ZNF593: variants seen among roughly 807,000 people sequenced by gnomAD.
ZNF593 encodes the protein BUD20 homolog.
Under a neutral mutation model 12.9 loss-of-function variants are expected in ZNF593, and 18 were observed. The ratio of observed to expected loss-of-function variants is 1.40; its 90% CI spans 0.96 to 2.07. ZNF593 has a LOEUF of 2.07. Among genes scored for constraint, ZNF593 ranks in the 30% most tolerant of loss-of-function variants. The pLI is 0.00. For missense variants in ZNF593, 198 were observed against 186.7 expected (o/e 1.06, Z -0.35); for synonymous variants, 79 against 79.9 (o/e 0.99, Z 0.06).
Position 26,170,009 on chromosome 1 carries a change from C to G in ZNF593, c.26C>G (p.Ala9Gly), listed in dbSNP as rs1237419700. 6.4e-7 allele frequency: 1 copy of G among 1,557,282 alleles called. No individual in the cohort carries two copies. Among genetic ancestry groups the G allele is most frequent in the Non-Finnish European group, 8.7e-7 (1 of 1,154,872 alleles). Reference sequence around the variant, plus strand: ...ATGGGTCGCTCCCGCCGGACAGGCGCGCACCGAGCGCACTCTCTAGCCCGG... The same window carrying G: ...ATGGGTCGCTCCCGCCGGACAGGCGGGCACCGAGCGCACTCTCTAGCCCGG... Reference protein sequence around the residue: MGRSRRTGAHRAHSLARQM... With the variant: MGRSRRTGGHRAHSLARQM... The change falls in exon 1 of 3, where the codon GCG (alanine) becomes GGG (glycine). Residue 9 changes from alanine to glycine, a missense_variant. Coordinates refer to ENST00000374266, the MANE Select transcript of ZNF593 (RefSeq NM_015871.5).
In ZNF593 at chr1:26,170,469, C is replaced by T. The variant is rs150295489; in HGVS notation, c.252C>T (p.Asp84=). 6.0e-4 allele frequency: 974 copies of T among 1,614,190 alleles called. 3 individuals carry two copies. The Middle Eastern group carries it at 8.9e-3, about 15-fold the overall frequency. ...TNLKTHFRSK[D]HKKRLKQLSV... ...TGAAGACCCACTTCCGATCCAAAGACCACAAGAAAAGGTATGAAGGAGTAA... is the reference window on the plus strand; with the variant it reads ...TGAAGACCCACTTCCGATCCAAAGATCACAAGAAAAGGTATGAAGGAGTAA... The change falls in exon 2 of 3, where the codon GAC becomes GAT. Residue 84 remains aspartate, a synonymous_variant. Coordinates refer to ENST00000374266, the MANE Select transcript of ZNF593 (RefSeq NM_015871.5).
In ZNF593 at chr1:26,170,495, G is replaced by A. The variant is rs770951595; in HGVS notation, c.263+15G>A. On this transcript the variant is annotated intron_variant, in intron 2 of 2. Coordinates refer to ENST00000374266, the MANE Select transcript of ZNF593 (RefSeq NM_015871.5). Reference sequence around the variant, plus strand: ...CACAAGAAAAGGTATGAAGGAGTAAGGAGAGGATTGATGGATGGGTGCTCA... The same window carrying A: ...CACAAGAAAAGGTATGAAGGAGTAAAGAGAGGATTGATGGATGGGTGCTCA... The A allele has an allele frequency of 4.3e-6, 7 of 1,614,220 alleles. No individual in the cohort carries two copies. The East Asian group carries it at 8.9e-5, about 21-fold the overall frequency.
At position 26,170,045 on chromosome 1, in the gene ZNF593, C is replaced by T. The variant is rs2088469752; in HGVS notation, c.62C>T (p.Ala21Val). ...RAHSLARQMK[A>V]KRRRPDLDEI... ...CACTCTCTAGCCCGGCAGATGAAGG[C>T]GAAGCGGCGGCGGCCGGACTTGGAT... Residue 21 changes from alanine (A) to valine (V), a missense_variant, in exon 1 of 3, where the codon GCG (alanine) becomes GTG (valine). Ala to Val is a moderately conservative substitution (Grantham distance 64, BLOSUM62 0). Transcript: ENST00000374266. 1 of 1,574,072 alleles carries T rather than the reference C, an allele frequency of 6.4e-7. No homozygotes were observed.
chr1:26,170,397 T>C, intron 1 of ZNF593, 21 bp from the exon 2 acceptor site: 1 of 1,610,552 alleles, frequency 6.2e-7, no homozygotes, highest in South Asian at 1.1e-5. Context: ...CTCACTCTCC[T>C]TCTCACTTCC....
rs958818950 is a variant in ZNF593 at position 26,169,938 on chromosome 1, C to G, written c.-46C>G. 1 of 1,503,852 alleles carries G rather than the reference C, an allele frequency of 6.6e-7. No homozygotes were observed. The highest frequency in any genetic ancestry group is 2.5e-5 in the East Asian group (1 of 40,504). 93.2% of individuals were successfully genotyped at this position (1,503,852 alleles called of 1,614,324 possible). A position where few individuals can be genotyped will look rare whatever the true frequency, so the allele number is the denominator to read the frequency against. Reference sequence around the variant, plus strand: ...GCCCGGAAGTGCTCACACGTGTGCTCCCTGCCCTGCTCCTGGCCCCTTGGC... The same window carrying G: ...GCCCGGAAGTGCTCACACGTGTGCTGCCTGCCCTGCTCCTGGCCCCTTGGC... On this transcript the variant is annotated 5_prime_UTR_variant, in exon 1 of 3. Transcript: ENST00000374266.
Position 26,170,068 on chromosome 1 carries a change from G to T in ZNF593, c.85G>T (p.Asp29Tyr). ...MKAKRRRPDL[D>Y]EIHRELRPQG... ...GGCGAAGCGGCGGCGGCCGGACTTG[G>T]ATGAGATTCACCGCGAGCTGCGGCC... Residue 29 changes from aspartate to tyrosine, a missense_variant, in exon 1 of 3, where the codon GAT (aspartate) becomes TAT (tyrosine). By Grantham distance (160) the Asp-to-Tyr change is radical. Coordinates refer to ENST00000374266, the MANE Select transcript of ZNF593 (RefSeq NM_015871.5). 6.4e-7 allele frequency: 1 copy of T among 1,574,436 alleles called. No homozygotes were observed.
chr1:26,170,649 C>A lies in ZNF593; in HGVS notation c.338C>A (p.Pro113His). The A allele has an allele frequency of 4.3e-6, 7 of 1,612,674 alleles. No homozygotes were observed. In the South Asian group the frequency reaches 7.7e-5, roughly 18 times the overall value. ...ERAAGMGSYV[P>H]PRRLAVPTEV... ...GCAGCGGGTATGGGATCCTATGTGC[C>A]CCCCAGGCGGCTGGCAGTGCCCACG... The change falls in exon 3 of 3, where the codon CCC (proline) becomes CAC (histidine). Residue 113 changes from proline to histidine, a missense_variant. By Grantham distance (77) the Pro-to-His change is moderately conservative. Coordinates refer to ENST00000374266, the MANE Select transcript of ZNF593 (RefSeq NM_015871.5).
intron 1 of ZNF593, 64 bp from the exon 2 acceptor site, chr1:26,170,354 G>C: frequency 6.4e-7 from 1 of 1,569,726 alleles, no homozygotes; most frequent in East Asian, 2.2e-5. Context: ...GCTAGGGCTA[G>C]GGAGATAGGT....
At position 26,170,192 on chromosome 1, in the gene ZNF593, C is replaced by T. The variant is rs778492829; in HGVS notation, c.200+9C>T. On this transcript the variant is annotated intron_variant, in intron 1 of 2. Transcript: ENST00000374266. ...CGCTGTCTGGCCTGCGCGTGAGTCC[C>T]GGACGAGCCCGGCCTGGGGCGGAGG... 6.4e-6 allele frequency: 10 copies of T among 1,572,578 alleles called. No individual in the cohort carries two copies. In the East Asian group the frequency reaches 2.1e-4, roughly 33 times the overall value.
rs2088487829 is a variant in ZNF593, at chr1:26,170,736, G to A, written c.*20G>A. ...ACCTGACATGGCCTGAAGATGCAGG[G>A]CAGAGGAATTGCCCATGGACAGTGA... On this transcript the variant is annotated 3_prime_UTR_variant, in exon 3 of 3. Transcript: ENST00000374266. 2 of 1,597,110 alleles carry A rather than the reference G, an allele frequency of 1.3e-6. No homozygotes were observed. Among genetic ancestry groups the A allele is most frequent in the Admixed American group, 1.7e-5 (1 of 59,788 alleles).
At chr1:26,170,526 T>C (rs760340188) in intron 2 of ZNF593, 46 bp downstream of exon 2, 24 of 1,614,042 alleles carry the variant, frequency 1.5e-5, no homozygotes, top group Non-Finnish European at 8.5e-7. Flanking sequence ...GCTCAGCAGA[T>C]AGGGCTCTCA....
chr1:26,170,479 AG>A lies in ZNF593; in HGVS notation c.263+1del. On this transcript the variant is annotated frameshift_variant and splice_region_variant, in exon 2 of 3. Transcript: ENST00000374266. LOFTEE classifies it high-confidence loss of function. ...CTTCCGATCCAAAGACCACAAGAAAAGGTATGAAGGAGTAAGGAGAGGATTG... is the reference window on the plus strand; with the variant it reads ...CTTCCGATCCAAAGACCACAAGAAAAGTATGAAGGAGTAAGGAGAGGATTG... ...THFRSKDHKKRLKQLSVEPYS... is the reference protein window; with the variant it reads ...THFRSKDHKKXLKQLSVEPYS... 1 of 1,614,102 alleles carries A rather than the reference AG, an allele frequency of 6.2e-7. No homozygotes were observed. The highest frequency in any genetic ancestry group is 1.1e-5 in the South Asian group (1 of 91,080).
In ZNF593 at chr1:26,170,179, T is replaced by C; in HGVS notation, c.196T>C (p.Cys66Arg). 6.4e-7 allele frequency: 1 copy of C among 1,572,438 alleles called. No homozygotes were observed. The highest frequency in any genetic ancestry group is 8.6e-7 in the Non-Finnish European group (1 of 1,162,746). Reference protein sequence around the residue: ...PGGGLHRCLACARYFIDSTNL... With the variant: ...PGGGLHRCLARARYFIDSTNL... ...GGGCGGTCTGCACCGCTGTCTGGCC[T>C]GCGCGTGAGTCCCGGACGAGCCCGG... The change falls in exon 1 of 3, where the codon TGC becomes CGC. Residue 66 changes from cysteine to arginine, a missense_variant. Coordinates refer to ENST00000374266, the MANE Select transcript of ZNF593 (RefSeq NM_015871.5).
At position 26,169,956 on chromosome 1, in the gene ZNF593, C is replaced by A; in HGVS notation, c.-28C>A. The A allele has an allele frequency of 1.3e-6, 2 of 1,522,740 alleles. No homozygotes were observed. The highest frequency in any genetic ancestry group is 1.2e-5 in the South Asian group (1 of 80,832). 94.3% of individuals were successfully genotyped at this position (1,522,740 alleles called of 1,614,324 possible). On this transcript the variant is annotated 5_prime_UTR_variant, in exon 1 of 3. Transcript: ENST00000374266. ...GTGTGCTCCCTGCCCTGCTCCTGGC[C>A]CCTTGGCCGGCCGGGCTGTTTCTGG...
chr1:26,170,623 G>A lies in ZNF593; in HGVS notation c.312G>A (p.Arg104=), dbSNP rs1346652837. 4 of 1,613,404 alleles carry A rather than the reference G, an allele frequency of 2.5e-6. No homozygotes were observed. Among genetic ancestry groups the A allele is most frequent in the Admixed American group, 1.7e-5 (1 of 60,002 alleles). ...CCTACAGTCAGGAAGAGGCGGAGAG[G>A]GCAGCGGGTATGGGATCCTATGTGC... The part of the protein sequence containing the change: ...VEPYSQEEAE[R]AAGMGSYVPP... Residue 104 remains arginine (R), a synonymous_variant, in exon 3 of 3, where the codon AGG becomes AGA. Transcript: ENST00000374266.
chr1:26,170,643 A>AT lies in ZNF593; in HGVS notation c.333dup (p.Val112CysfsTer15), dbSNP rs1557614144. The AT allele has an allele frequency of 6.2e-7, 1 of 1,612,868 alleles. No homozygotes were observed. The highest frequency in any genetic ancestry group is 1.7e-5 in the Admixed American group (1 of 60,018). On this transcript the variant is annotated frameshift_variant, in exon 3 of 3. Transcript: ENST00000374266. LOFTEE classifies it high-confidence loss of function. ...GAGAGGGCAGCGGGTATGGGATCCT[A>AT]TGTGCCCCCCAGGCGGCTGGCAGTG...
chr1:26,170,034 G>A lies in ZNF593; in HGVS notation c.51G>A (p.Arg17=), dbSNP rs764747609. The change falls in exon 1 of 3, where the codon CGG becomes CGA. Residue 17 remains arginine (R), a synonymous_variant. Coordinates refer to ENST00000374266, the MANE Select transcript of ZNF593 (RefSeq NM_015871.5). ...TGAHRAHSLA[R]QMKAKRRRPD... ...CGCACCGAGCGCACTCTCTAGCCCGGCAGATGAAGGCGAAGCGGCGGCGGC... is the reference window on the plus strand; with the variant it reads ...CGCACCGAGCGCACTCTCTAGCCCGACAGATGAAGGCGAAGCGGCGGCGGC... 187 of 1,572,044 alleles carry A rather than the reference G, an allele frequency of 1.2e-4. No homozygotes were observed. Among genetic ancestry groups the A allele is most frequent in the Non-Finnish European group, 1.5e-4 (174 of 1,162,566 alleles).
intron 1 of ZNF593, 58 bp downstream of exon 1, chr1:26,170,241 G>A: frequency 6.3e-7 from 1 of 1,581,764 alleles, no homozygotes; most frequent in Non-Finnish European, 8.6e-7. Flanking sequence ...CCGGCCGGGA[G>A]ATGTGAAGTT....
intron 1 of ZNF593, 72 bp from the exon 2 acceptor site, chr1:26,170,346 T>A: frequency 6.4e-7 from 1 of 1,555,688 alleles, no homozygotes; most frequent in Non-Finnish European, 8.7e-7. Flanking sequence ...AGGGACAAGC[T>A]AGGGCTAGGG....
Sources: gnomAD v4.1 joint callset for allele counts on GRCh38, gnomAD v4.1.1 for gene constraint, MANE v1.5 for transcripts, NCBI Gene and HGNC (gene_info 2026-07-23, HGNC 2026-07-21) for gene names.